CYP4F3: variants seen among roughly 807,000 people sequenced by gnomAD.
CYP4F3 encodes the protein cytochrome P450 4F3.
CYP4F3 carries 50 observed loss-of-function variants against 54.8 expected under a neutral mutation model. The observed-to-expected ratio is 0.91, with a 90% CI of 0.73 to 1.16. CYP4F3 has a LOEUF of 1.16. Ranked by LOEUF, CYP4F3 falls within the 50% of genes most tolerant of loss-of-function variation. CYP4F3 has a pLI of 0.00. For missense variants in CYP4F3, 715 were observed against 676.2 expected (o/e 1.06, Z -0.64); for synonymous variants, 244 against 262.6 (o/e 0.93, Z 0.69).
intron 6 of CYP4F3, 121 bp from the exon 7 acceptor site, chr19:15,649,792 G>A (rs939816463): frequency 2.1e-5 from 29 of 1,392,102 alleles, no homozygotes; most frequent in Admixed American, 1.3e-4. Flanking sequence ...CATCTGAGGG[G>A]CCATCTGTTC....
In CYP4F3 at chr19:15,652,640, G is replaced by C. The variant is rs975770423; in HGVS notation, c.985+5G>C. ...CTGACACCTTTATGTTTGAGGGTGA[G>C]GGCCCCAGTGTGGGGCTAGAGTGGG... On this transcript the variant is annotated splice_donor_5th_base_variant and intron_variant, in intron 8 of 12. Coordinates refer to ENST00000221307, the MANE Select transcript of CYP4F3 (RefSeq NM_000896.3). 6.2e-7 allele frequency: 1 copy of C among 1,614,166 alleles called. No individual in the cohort carries two copies. Among genetic ancestry groups the C allele is most frequent in the Non-Finnish European group, 8.5e-7 (1 of 1,180,032 alleles).
At chr19:15,649,087 T>C in intron 5 of CYP4F3, 73 bp from the exon 6 acceptor site, 1 of 1,592,278 alleles carries the variant, frequency 6.3e-7, no homozygotes, top group South Asian at 1.1e-5. Flanking sequence ...GGCGTGCATA[T>C]TGATTGTTGG....
intron 9 of CYP4F3, among the ~76,000 whole-genome samples, chr19:15,653,328 C>G (rs1972916579): frequency 6.6e-6 from 1 of 152,156 alleles, no homozygotes; most frequent in Admixed American, 6.5e-5. Context: ...TCCATCCAGT[C>G]CAGGGATTTA....
chr19:15,662,270 C>CAAAAAAAAAAA lies in CYP4F3; in HGVS notation c.*2885_*2886insAAAAAAAAAAA, dbSNP rs1568406872. The CAAAAAAAAAAA allele has an allele frequency of 2.0e-5, 1 of 50,310 alleles. No individual in the cohort carries two copies. The highest frequency in any genetic ancestry group is 2.1e-4 in the African/African-American group (1 of 4,792). 3.1% of individuals were successfully genotyped at this position (50,310 alleles called of 1,614,324 possible). On this transcript the variant is annotated 3_prime_UTR_variant, in exon 13 of 13. Transcript: ENST00000221307. ...TGGGTGAAAGAGCTAGATTCTCTCT[C>CAAAAAAAAAAA]TCAAAAAAAAAAAAAAAAAAAAGGA...
chr19:15,650,866 CTTTT>C lies in CYP4F3; in HGVS notation c.918+685_918+688del, dbSNP rs770194285. ...TCTTTCTTTCTTTCTTTCTTTCTTT[CTTTT>C]TCTCTCTCTCTCTTTCCTTTTTTTG... On this transcript the variant is annotated intron_variant, in intron 7 of 12. Coordinates refer to ENST00000221307, the MANE Select transcript of CYP4F3 (RefSeq NM_000896.3). Among the ~76,000 whole-genome samples the C allele has an allele frequency of 1.0e-3, 48 of 47,118 alleles. 3 individuals are homozygous for C. Among genetic ancestry groups the C allele is most frequent in the African/African-American group, 3.6e-3 (44 of 12,104 alleles). 30.9% of individuals were successfully genotyped at this position (47,118 alleles called of 152,430 possible). A position where few individuals can be genotyped will look rare whatever the true frequency, so the allele number is the denominator to read the frequency against.
intron 2 of CYP4F3, among the ~76,000 whole-genome samples, chr19:15,642,912 GGA>G (rs1218662951): frequency 6.6e-6 from 1 of 151,336 alleles, no homozygotes; most frequent in Non-Finnish European, 1.5e-5. Context: ...ATGGATGGAT[GGA>G]TGGATGGATA....
At chr19:15,657,579 A>G (rs1973060641) in intron 9 of CYP4F3, among the ~76,000 whole-genome samples, 1 of 152,224 alleles carries the variant, frequency 6.6e-6, no homozygotes, top group Non-Finnish European at 1.5e-5. Flanking sequence ...ATGAGCCACC[A>G]TACAATATGA....
At chr19:15,658,129 C>T in intron 9 of CYP4F3, 135 bp from the exon 10 acceptor site, 1 of 1,539,712 alleles carries the variant, frequency 6.5e-7, no homozygotes, top group Non-Finnish European at 8.7e-7. Flanking sequence ...GTTTTTATTC[C>T]TGCGACTTTG....
At position 15,641,584 on chromosome 19, in the gene CYP4F3, C is replaced by T. The variant is rs138587161; in HGVS notation, c.169C>T (p.Arg57Trp). ...CCGGTGTTTCCCGCAACCCCCGAAA[C>T]GGAATTGGTTCTTGGGTCACCTGGG... is the stretch of plus-strand genomic sequence containing the variant. ...RLRCFPQPPK[R>W]NWFLGHLGLI... is the part of the protein sequence containing the mutation. The change falls in exon 2 of 13, where the codon CGG becomes TGG. Residue 57 changes from arginine to tryptophan, a missense_variant. Physicochemically the swap from Arg to Trp is moderately radical, Grantham distance 101. Coordinates refer to ENST00000221307, the MANE Select transcript of CYP4F3 (RefSeq NM_000896.3). 4.0e-5 allele frequency: 65 copies of T among 1,613,494 alleles called. 1 individual carries two copies. The African/African-American group carries it at 4.5e-4, about 11-fold the overall frequency.
At chr19:15,643,250 A>G (rs540694331) in intron 2 of CYP4F3, among the ~76,000 whole-genome samples, 1 of 152,194 alleles carries the variant, frequency 6.6e-6, no homozygotes, top group African/African-American at 2.4e-5. Context: ...AGACAGATAT[A>G]TAAGATAGAA....
Position 15,641,568 on chromosome 19 carries a change from C to G in CYP4F3, c.153C>G (p.Phe51Leu), listed in dbSNP as rs1007946585. Residue 51 changes from phenylalanine (F) to leucine (L), a missense_variant, in exon 2 of 13, where the codon TTC (phenylalanine) becomes TTG (leucine). Coordinates refer to ENST00000221307, the MANE Select transcript of CYP4F3 (RefSeq NM_000896.3). ...FYDNCCRLRC[F>L]PQPPKRNWFL... ...ACAACTGCTGCCGCCTCCGGTGTTT[C>G]CCGCAACCCCCGAAACGGAATTGGT... 2 of 1,614,004 alleles carry G rather than the reference C, an allele frequency of 1.2e-6. No homozygotes were observed. Among genetic ancestry groups the G allele is most frequent in the African/African-American group, 1.3e-5 (1 of 74,882 alleles).
In CYP4F3 at chr19:15,658,269, A is replaced by T. The variant is rs764910707; in HGVS notation, c.1121A>T (p.Asp374Val). 7 of 1,613,928 alleles carry T rather than the reference A, an allele frequency of 4.3e-6. No individual in the cohort carries two copies. Among genetic ancestry groups the T allele is most frequent in the Admixed American group, 1.7e-5 (1 of 59,972 alleles). ...GGGCTGGGGTGTTTCCTTAGGGACG[A>T]CCTGGCCCAGCTGCCCTTCCTGACC... The part of the protein sequence containing the change: ...DREPKEIEWD[D>V]LAQLPFLTMC... The change falls in exon 10 of 13, where the codon GAC becomes GTC. Residue 374 changes from aspartate to valine, a missense_variant. Physicochemically the swap from Asp to Val is radical, Grantham distance 152. Transcript: ENST00000221307.
Position 15,647,292 on chromosome 19 carries a change from A to C in CYP4F3, c.493A>C (p.Lys165Gln). The C allele has an allele frequency of 6.2e-7, 1 of 1,614,170 alleles. No homozygotes were observed. The highest frequency in any genetic ancestry group is 8.5e-7 in the Non-Finnish European group (1 of 1,180,026). Residue 165 changes from lysine (K) to glutamine (Q), a missense_variant, in exon 5 of 13, where the codon AAG becomes CAG. By Grantham distance (53) the Lys-to-Gln change is moderately conservative (BLOSUM62 1). Coordinates refer to ENST00000221307, the MANE Select transcript of CYP4F3 (RefSeq NM_000896.3). ...FHFNILKPYM[K>Q]IFNESVNIMH... ...TTTCAACATCCTGAAGCCCTATATG[A>C]AGATTTTCAATGAGAGTGTGAACAT... is the stretch of plus-strand genomic sequence containing the variant.
At chr19:15,650,864 T>TCTCTC (rs1972829341) in intron 7 of CYP4F3, among the ~76,000 whole-genome samples, 1 of 44,192 alleles carries the variant, frequency 2.3e-5, no homozygotes, top group African/African-American at 1.4e-4. Flanking sequence ...CTTTCTTTCT[T>TCTCTC]TCTTTTTCTC....
intron 2 of CYP4F3, among the ~76,000 whole-genome samples, chr19:15,645,024 C>T (rs1972581651): frequency 6.6e-6 from 1 of 152,216 alleles, no homozygotes; most frequent in Non-Finnish European, 1.5e-5. Context: ...AGGTCTCACA[C>T]AGTGTTACTT....
chr19:15,653,735 G>GGA (rs60874509), intron 9 of CYP4F3, among the ~76,000 whole-genome samples: 2,663 of 110,504 alleles, frequency 0.024, 67 homozygotes, highest in Non-Finnish European at 0.037. Flanking sequence ...AAGAGAGAGA[G>GGA]GAGAGAGAGA....
Position 15,646,909 on chromosome 19 carries a change from T to G in CYP4F3, c.344-143T>G. The G allele has an allele frequency of 2.5e-6, 3 of 1,223,296 alleles. No individual in the cohort carries two copies. The East Asian group carries it at 7.3e-5, about 30-fold the overall frequency. 75.8% of individuals were successfully genotyped at this position (1,223,296 alleles called of 1,614,324 possible). A position where few individuals can be genotyped will look rare whatever the true frequency, so the allele number is the denominator to read the frequency against. ...CTTCCCTCCCCTCCCCCATCCTGCC[T>G]TCTTCCTCTCCCCTTGACCCTCTTC... On this transcript the variant is annotated intron_variant, in intron 3 of 12. Transcript: ENST00000221307.
rs1810365 is a variant in CYP4F3 at position 15,653,944 on chromosome 19, A to G, written c.1115+992A>G. Among the ~76,000 whole-genome samples, 8 of 98,464 alleles carry G rather than the reference A, an allele frequency of 8.1e-5. No individual in the cohort carries two copies. The South Asian group carries it at 9.8e-4, about 12-fold the overall frequency. 64.6% of individuals were successfully genotyped at this position (98,464 alleles called of 152,430 possible). ...AGCCCAAGGGCAATAGGGAGCCATG[A>G]GAAGTGTTTGAACAGGGAGGGACAA... On this transcript the variant is annotated intron_variant, in intron 9 of 12. Coordinates refer to ENST00000221307, the MANE Select transcript of CYP4F3 (RefSeq NM_000896.3).
chr19:15,651,474 T>A (rs189024308), intron 7 of CYP4F3, among the ~76,000 whole-genome samples: 1 of 139,040 alleles, frequency 7.2e-6, no homozygotes, highest in Admixed American at 7.2e-5. Context: ...TTCAAATGAT[T>A]CTCCTGCCTC....
Sources: allele counts gnomAD v4.1 joint callset (sites outside exome capture counted in the v4.1 genomes callset), GRCh38; gene constraint gnomAD v4.1.1; transcripts MANE v1.5; gene names NCBI Gene and HGNC (gene_info 2026-07-23, HGNC 2026-07-21).